BDNF: variants seen among roughly 807,000 people sequenced by gnomAD.
The protein encoded by BDNF is brain derived neurotrophic factor, also known as neurotrophic factor BDNF precursor form.
In BDNF, 1 loss-of-function variant was observed where a neutral mutation model predicts 19.5. That is an observed-to-expected ratio of 0.05 (90% CI 0.02 to 0.24). The LOEUF (loss-of-function observed/expected upper bound fraction) is 0.24. Ranked by LOEUF, BDNF falls within the 10% of genes least tolerant of loss-of-function variation. The pLI, the probability that BDNF is intolerant of heterozygous loss-of-function variation, is 1.00. For missense variants in BDNF, 195 were observed against 317.6 expected, an observed-to-expected ratio of 0.61 and a Z score of 2.93; for synonymous variants, 100 against 121.6, an observed-to-expected ratio of 0.82 and a Z score of 1.17.
chr11:27,668,293 C>T (rs377019242), intron 1 of BDNF, among the ~76,000 whole-genome samples: 1 of 152,158 alleles, frequency 6.6e-6, no homozygotes, highest in Non-Finnish European at 1.5e-5. Flanking sequence ...ATTTATAGCA[C>T]TAAATGCCCA....
intron 1 of BDNF, among the ~76,000 whole-genome samples, chr11:27,692,665 C>G (rs1246466641): frequency 6.6e-6 from 1 of 152,120 alleles, no homozygotes. Flanking sequence ...ATTATATATT[C>G]CTCTAATAAA....
chr11:27,658,868 T>TCTC lies in BDNF; in HGVS notation c.-21-286_-21-284dup. 7.7e-7 allele frequency: 1 copy of TCTC among 1,301,616 alleles called. No individual in the cohort carries two copies. The highest frequency in any genetic ancestry group is 9.8e-7 in the Non-Finnish European group (1 of 1,015,748). The allele number at this position is 1,301,616 out of a possible 1,614,324, so 80.6% of individuals were successfully genotyped here. On this transcript the variant is annotated intron_variant, in intron 1 of 1. Coordinates refer to ENST00000356660, the MANE Select transcript of BDNF (RefSeq NM_001709.5). This position sits in a 1 kb window ranked among gnomAD's most constrained non-coding sequence, Gnocchi z 5.7. ...AAGTGCAAAAATTGTGGCTTCAAGT[T>TCTC]CTCCTTCTTCCCACTTTAGCAGCTT...
intron 1 of BDNF, among the ~76,000 whole-genome samples, chr11:27,664,389 T>C (rs2133834825): frequency 6.6e-6 from 1 of 152,180 alleles, no homozygotes; most frequent in South Asian, 2.1e-4. Flanking sequence ...GTAACTAGAA[T>C]ATAAAGGTAG....
Position 27,657,354 on chromosome 11 carries a change from C to T in BDNF, c.*467G>A. ...GACATTGTTTTAATTCCAACGCTAT[C>T]AGAAGTTAAAAGCAGTAAAACAGAT... is the stretch of plus-strand genomic sequence containing the variant. On this transcript the variant is annotated 3_prime_UTR_variant, in exon 2 of 2. Coordinates refer to ENST00000356660, the MANE Select transcript of BDNF (RefSeq NM_001709.5). This position sits in a 1 kb window ranked among gnomAD's most constrained non-coding sequence, Gnocchi z 5.0. The T allele has an allele frequency of 8.0e-6, 8 of 998,392 alleles. No homozygotes were observed. Among genetic ancestry groups the T allele is most frequent in the Non-Finnish European group, 9.6e-6 (8 of 837,304 alleles). 61.8% of individuals were successfully genotyped at this position (998,392 alleles called of 1,614,324 possible). A position where few individuals can be genotyped will look rare whatever the true frequency, so the allele number is the denominator to read the frequency against.
chr11:27,700,527 CCCCCCCGCCCCCCG>C (rs1859805197), upstream of BDNF: 1 of 465,238 alleles, frequency 2.1e-6, no homozygotes, highest in Non-Finnish European at 2.7e-6. Flanking sequence ...GCCGCCCCCC[CCCCCCCGCCCCCCG>C]CCCCCCGCTC....
At position 27,656,444 on chromosome 11, in the gene BDNF, A is replaced by G. The variant is rs1852552470; in HGVS notation, c.*1377T>C. 1.4e-6 allele frequency: 1 copy of G among 731,362 alleles called. No individual in the cohort carries two copies. The highest frequency in any genetic ancestry group is 1.7e-6 in the Non-Finnish European group (1 of 597,964). The allele number at this position is 731,362 out of a possible 1,614,324, so 45.3% of individuals were successfully genotyped here. On this transcript the variant is annotated 3_prime_UTR_variant, in exon 2 of 2. Coordinates refer to ENST00000356660, the MANE Select transcript of BDNF (RefSeq NM_001709.5). ...GCACGAGGTCCAAGCAGCTTGACACATGTCATTCCAGAGCCACCTCTGAAG... is the reference window on the plus strand; with the variant it reads ...GCACGAGGTCCAAGCAGCTTGACACGTGTCATTCCAGAGCCACCTCTGAAG...
chr11:27,658,824 G>A lies in BDNF; in HGVS notation c.-21-239C>T, dbSNP rs1852928911. 7.2e-7 allele frequency: 1 copy of A among 1,397,036 alleles called. No homozygotes were observed. Among genetic ancestry groups the A allele is most frequent in the African/African-American group, 1.5e-5 (1 of 68,814 alleles). The allele number at this position is 1,397,036 out of a possible 1,614,324, so 86.5% of individuals were successfully genotyped here. On this transcript the variant is annotated intron_variant, in intron 1 of 1. Coordinates refer to ENST00000356660, the MANE Select transcript of BDNF (RefSeq NM_001709.5). This position sits in a 1 kb window ranked among gnomAD's most constrained non-coding sequence, Gnocchi z 5.7. ...CCCAAGATCTAGCATATAAACCTGA[G>A]ATTAGATGGCTTCTAAGCAAGTGCA...
upstream of BDNF, among the ~76,000 whole-genome samples, chr11:27,702,267 G>A (rs1438000725): frequency 6.6e-6 from 1 of 152,238 alleles, no homozygotes; most frequent in African/African-American, 2.4e-5. Flanking sequence ...ACCTGGGTGA[G>A]TGTTAAAATG....
intron 1 of BDNF, among the ~76,000 whole-genome samples, chr11:27,710,104 C>T (rs1472763033): frequency 2.0e-5 from 3 of 152,176 alleles, no homozygotes; most frequent in Non-Finnish European, 4.4e-5. Flanking sequence ...AGGCTGCTTT[C>T]AGAGCTCTGG....
At chr11:27,675,488 T>C (rs1855972374) in intron 1 of BDNF, 1 of 152,148 alleles carries the variant, frequency 6.6e-6, no homozygotes, top group Admixed American at 6.5e-5. Flanking sequence ...CTCTGTCAAC[T>C]CTACTTGAGT....
At chr11:27,686,517 T>G (rs888443408) in intron 1 of BDNF, among the ~76,000 whole-genome samples, 24 of 151,328 alleles carry the variant, frequency 1.6e-4, no homozygotes, top group Non-Finnish European at 2.4e-4. Flanking sequence ...ATTTGGTATG[T>G]TTCTGCAGTG....
intron 1 of BDNF, among the ~76,000 whole-genome samples, chr11:27,718,354 A>ACCCCCCCCCCTCCCC (rs376255605): frequency 9.9e-6 from 1 of 101,114 alleles, no homozygotes; most frequent in Non-Finnish European, 2.0e-5. Flanking sequence ...TCCGCACACC[A>ACCCCCCCCCCTCCCC]CCCCCCCCCG....
intron 1 of BDNF, chr11:27,699,326 G>A: frequency 1.2e-6 from 2 of 1,606,784 alleles, no homozygotes; most frequent in Non-Finnish European, 1.7e-6. Flanking sequence ...CTTCTTGCCC[G>A]TCAGGCACAG....
chr11:27,718,354 A>ACCCCCCCCCCCTCC (rs376255605), intron 1 of BDNF, among the ~76,000 whole-genome samples: 1 of 101,112 alleles, frequency 9.9e-6, no homozygotes, highest in Non-Finnish European at 2.0e-5. Context: ...TCCGCACACC[A>ACCCCCCCCCCCTCC]CCCCCCCCCG....
chr11:27,656,542 C>T lies in BDNF; in HGVS notation c.*1279G>A. 2 of 985,778 alleles carry T rather than the reference C, an allele frequency of 2.0e-6. No homozygotes were observed. The highest frequency in any genetic ancestry group is 2.4e-6 in the Non-Finnish European group (2 of 829,908). 61.1% of individuals were successfully genotyped at this position (985,778 alleles called of 1,614,324 possible). Reference sequence around the variant, plus strand: ...ACCTCCACCTAGACCTTGGGATGGCCACTCAGAAATTCCTCCCGCACTGCC... The same window carrying T: ...ACCTCCACCTAGACCTTGGGATGGCTACTCAGAAATTCCTCCCGCACTGCC... On this transcript the variant is annotated 3_prime_UTR_variant, in exon 2 of 2. Coordinates refer to ENST00000356660, the MANE Select transcript of BDNF (RefSeq NM_001709.5).
At chr11:27,720,381 C>T in intron 1 of BDNF, 1 of 985,888 alleles carries the variant, frequency 1.0e-6, no homozygotes, top group Non-Finnish European at 1.2e-6. Context: ...GTGGCTAGAT[C>T]CTGGAGATAA....
chr11:27,669,467 G>A lies in BDNF; in HGVS notation c.-21-10882C>T, dbSNP rs1854962163. Among the ~76,000 whole-genome samples the A allele has an allele frequency of 2.0e-5, 3 of 152,274 alleles. No individual in the cohort carries two copies. In the South Asian group the frequency reaches 6.2e-4, roughly 32 times the overall value. ...AAATAGGAAGAGAGGAAGTCAAATT[G>A]TCTCTGTTTGCAGATGACATGATTG... is the stretch of plus-strand genomic sequence containing the variant. On this transcript the variant is annotated intron_variant, in intron 1 of 1. Transcript: ENST00000356660.
chr11:27,667,142 C>G (rs1854493901), intron 1 of BDNF, among the ~76,000 whole-genome samples: 1 of 152,060 alleles, frequency 6.6e-6, no homozygotes, highest in Admixed American at 6.6e-5. Context: ...AATTTTCAAC[C>G]CAGAATTTCA....
At chr11:27,681,885 T>G (rs967914647) in intron 1 of BDNF, among the ~76,000 whole-genome samples, 1 of 152,140 alleles carries the variant, frequency 6.6e-6, no homozygotes, top group African/African-American at 2.4e-5. Context: ...ACAGAGAATT[T>G]AAATTACTGA....
Sources: gnomAD v4.1 joint callset for allele counts (sites outside exome capture counted in the v4.1 genomes callset) on GRCh38, gnomAD v4.1.1 for gene constraint, Gnocchi (gnomAD v3.1) non-coding constraint, MANE v1.5 for transcripts, NCBI Gene and HGNC (gene_info 2026-07-23, HGNC 2026-07-21) for gene names.